The following RBFOX1 variants were observed in gnomAD, a reference collection of about 807,000 sequenced individuals.
RBFOX1 encodes RNA binding fox-1 homolog 1.
Under a neutral mutation model 57.7 loss-of-function variants are expected in RBFOX1, and 8 were observed. The observed-to-expected ratio is 0.14, with a 90% CI of 0.08 to 0.25. RBFOX1 has a LOEUF of 0.25. Ranked by LOEUF, RBFOX1 falls within the 10% of genes least tolerant of loss-of-function variation. The probability of loss-of-function intolerance (pLI) is 1.00; values close to 1 mark genes in which losing one functional copy is unlikely to be tolerated. For missense variants in RBFOX1, 611 were observed against 548.5 expected (o/e 1.11, Z -1.14); for synonymous variants, 326 against 222.4 (o/e 1.47, Z -4.15).
At chr16:6,690,871 C>G (rs2060115069) in intron 3 of RBFOX1, among the ~76,000 whole-genome samples, 1 of 151,168 alleles carries the variant, frequency 6.6e-6, no homozygotes, top group Non-Finnish European at 1.5e-5. Flanking sequence ...CCCTTGGACT[C>G]TGAAACATAA....
At chr16:7,259,149 C>G (rs1026008952) in intron 4 of RBFOX1, among the ~76,000 whole-genome samples, 1 of 152,304 alleles carries the variant, frequency 6.6e-6, no homozygotes. Context: ...TGGAGAGAAG[C>G]TGTTGACACC....
intron 3 of RBFOX1, among the ~76,000 whole-genome samples, chr16:6,886,783 C>CGA (rs377564285): frequency 3.7e-5 from 5 of 136,954 alleles, no homozygotes; most frequent in South Asian, 2.3e-4. Flanking sequence ...CAAAACAAAA[C>CGA]AAAAAAAAAA....
At chr16:7,589,116 A>G (rs938899393) in intron 7 of RBFOX1, among the ~76,000 whole-genome samples, 5 of 152,234 alleles carry the variant, frequency 3.3e-5, no homozygotes, top group African/African-American at 1.2e-4. Context: ...AAATGTGCCC[A>G]GCCTAATTCT....
chr16:5,656,872 A>C (rs1056973309), intron 3 of RBFOX1, among the ~76,000 whole-genome samples: 2 of 152,174 alleles, frequency 1.3e-5, no homozygotes, highest in East Asian at 3.9e-4. Flanking sequence ...CATAAGTAGG[A>C]GTTGAACAAT....
At chr16:5,572,155 C>A (rs1280135877) in intron 2 of RBFOX1, among the ~76,000 whole-genome samples, 1 of 152,010 alleles carries the variant, frequency 6.6e-6, no homozygotes, top group East Asian at 1.9e-4. Context: ...CTAGGTGGTC[C>A]GTGGAGCCAT....
chr16:6,431,508 T>C (rs1288680025), intron 2 of RBFOX1, among the ~76,000 whole-genome samples: 1 of 151,902 alleles, frequency 6.6e-6, no homozygotes, highest in Non-Finnish European at 1.5e-5. Flanking sequence ...AAATGTCTGC[T>C]CAGTTGGCAG....
chr16:7,518,242 C>T lies in RBFOX1; in HGVS notation c.123C>T (p.Tyr41=). ...CGCAGAACGGTATCCCCGCGGAATACACGGCCCCTCATCCCCACCCCGCGC... is the reference window on the plus strand; with the variant it reads ...CGCAGAACGGTATCCCCGCGGAATATACGGCCCCTCATCCCCACCCCGCGC... ...APPQNGIPAE[Y]TAPHPHPAPE... is the part of the protein sequence containing the mutation. Residue 41 remains tyrosine, a synonymous_variant, in exon 5 of 16, where the codon TAC becomes TAT. Coordinates refer to ENST00000550418, the MANE Select transcript of RBFOX1 (RefSeq NM_018723.4). 1.9e-6 allele frequency: 3 copies of T among 1,614,156 alleles called. No individual in the cohort carries two copies. The highest frequency in any genetic ancestry group is 2.2e-5 in the South Asian group (2 of 91,076).
intron 4 of RBFOX1, among the ~76,000 whole-genome samples, chr16:7,130,405 G>A (rs918703762): frequency 2.6e-5 from 4 of 152,132 alleles, no homozygotes; most frequent in African/African-American, 9.7e-5. Context: ...GAAATTCTCT[G>A]AGCGTATTCA....
At chr16:7,013,090 A>G (rs1394147224) in intron 3 of RBFOX1, among the ~76,000 whole-genome samples, 4 of 152,104 alleles carry the variant, frequency 2.6e-5, no homozygotes, top group African/African-American at 9.7e-5. Context: ...TTATGATGTT[A>G]TCTTCTCAAA....
At chr16:5,990,291 C>T (rs2060369703) in intron 4 of RBFOX1, among the ~76,000 whole-genome samples, 1 of 152,090 alleles carries the variant, frequency 6.6e-6, no homozygotes, top group South Asian at 2.1e-4. Flanking sequence ...TGTACCCAGC[C>T]CATAAAGGCA....
intron 2 of RBFOX1, among the ~76,000 whole-genome samples, chr16:6,495,032 AGT>A (rs1286651668): frequency 1.3e-5 from 2 of 152,210 alleles, no homozygotes; most frequent in African/African-American, 4.8e-5. Context: ...AAGATTATAC[AGT>A]CATCACCACT....
intron 1 of RBFOX1, among the ~76,000 whole-genome samples, chr16:6,210,345 C>CAAAAAAAAAAAAAAAAAAAA (rs770814967): frequency 3.8e-5 from 1 of 26,012 alleles, no homozygotes; most frequent in East Asian, 2.1e-3. Flanking sequence ...AACAAAAAAA[C>CAAAAAAAAAAAAAAAAAAAA]AAAAAAAAAA....
intron 2 of RBFOX1, among the ~76,000 whole-genome samples, chr16:6,416,241 T>C (rs1367568025): frequency 2.0e-5 from 3 of 152,198 alleles, no homozygotes; most frequent in African/African-American, 4.8e-5. Flanking sequence ...GGATTTATTT[T>C]CTCAGCCATC....
chr16:5,640,918 C>T (rs989057064), intron 3 of RBFOX1, among the ~76,000 whole-genome samples: 2 of 151,498 alleles, frequency 1.3e-5, no homozygotes, highest in African/African-American at 2.4e-5. Context: ...CATGGACACA[C>T]GTGCACATAC....
Position 6,487,943 on chromosome 16 carries a change from C to T in RBFOX1, c.-63-166660C>T, listed in dbSNP as rs372754124. ...AATGATCTGTAGTTTTTGGTTTGTT[C>T]GTTAAGTTTTCTAACCTGGTTTGAA... On this transcript the variant is annotated intron_variant, in intron 2 of 15. Transcript: ENST00000550418. Among the ~76,000 whole-genome samples, 105 of 151,686 alleles carry T rather than the reference C, an allele frequency of 6.9e-4. 1 individual carries two copies. The South Asian group carries it at 8.6e-3, about 12-fold the overall frequency.
intron 4 of RBFOX1, among the ~76,000 whole-genome samples, chr16:7,186,285 TATATAA>T (rs1278870498): frequency 8.4e-6 from 1 of 119,660 alleles, no homozygotes; most frequent in South Asian, 2.9e-4. Context: ...TAAACATATT[TATATAA>T]ATATAAACAT....
At chr16:6,670,200 AC>A (rs2098755550) in intron 3 of RBFOX1, among the ~76,000 whole-genome samples, 1 of 150,338 alleles carries the variant, frequency 6.7e-6, no homozygotes, top group Non-Finnish European at 1.5e-5. Flanking sequence ...AGTAGCTGGA[AC>A]CACAGGAGTG....
At chr16:6,653,497 A>G (rs1462173479) in intron 2 of RBFOX1, among the ~76,000 whole-genome samples, 2 of 152,144 alleles carry the variant, frequency 1.3e-5, no homozygotes, top group Non-Finnish European at 2.9e-5. Flanking sequence ...TGTCTAATTA[A>G]TGAGTTCCCT....
At chr16:6,009,142 G>C (rs1187675388) in intron 4 of RBFOX1, among the ~76,000 whole-genome samples, 1 of 149,804 alleles carries the variant, frequency 6.7e-6, no homozygotes, top group African/African-American at 2.5e-5. Context: ...TTGTAAAAGA[G>C]CCTCTTGTGC....
Sources: allele counts gnomAD v4.1 joint callset (sites outside exome capture counted in the v4.1 genomes callset), GRCh38; gene constraint gnomAD v4.1.1; transcripts MANE v1.5; gene names NCBI Gene and HGNC (gene_info 2026-07-23, HGNC 2026-07-21).